ZNF324B: variants seen among roughly 807,000 people sequenced by gnomAD.
ZNF324B encodes zinc finger protein 324B.
In ZNF324B, 7 loss-of-function variants were observed where a neutral mutation model predicts 10.6. The observed-to-expected ratio is 0.66, with a 90% CI of 0.38 to 1.24. The LOEUF (loss-of-function observed/expected upper bound fraction) is 1.24. ZNF324B is among the 50% of genes most tolerant of loss of function. ZNF324B has a pLI of 0.02. For missense variants in ZNF324B, 640 were observed against 764.7 expected, an observed-to-expected ratio of 0.84 and a Z score of 1.92; for synonymous variants, 316 against 321.0, an observed-to-expected ratio of 0.98 and a Z score of 0.17.
chr19:58,440,316 T>A, the ZNF324B span: 171 of 169,706 alleles, frequency 1.0e-3, 1 homozygote, highest in Non-Finnish European at 6.2e-4. Context: ...GTTTATTGCG[T>A]CGCTGCTCAG....
chr19:58,421,521 C>G, the ZNF324B span, among the ~76,000 whole-genome samples: 1 of 151,890 alleles, frequency 6.6e-6, no homozygotes, highest in South Asian at 2.1e-4. Context: ...CTGGGATTAA[C>G]AGGTTCGCCG....
chr19:58,440,068 G>C, the ZNF324B span: 2 of 523,564 alleles, frequency 3.8e-6, no homozygotes, highest in Non-Finnish European at 6.7e-6. Context: ...GCGCGGTGAC[G>C]GTCCCTGCAC....
the ZNF324B span, among the ~76,000 whole-genome samples, chr19:58,427,377 T>TC: frequency 0.024 from 1,106 of 45,594 alleles, 57 homozygotes; most frequent in African/African-American, 0.077. Flanking sequence ...TTTCTTTCTT[T>TC]CTTTCTTTCT....
At chr19:58,432,333 T>C in the ZNF324B span, 1 of 517,484 alleles carries the variant, frequency 1.9e-6, no homozygotes, top group Non-Finnish European at 3.9e-6. Context: ...ACATGGCAAA[T>C]ACAAAGGTCT....
upstream of ZNF324B, among the ~76,000 whole-genome samples, chr19:58,446,927 CCTTTG>C (rs2052830704): frequency 6.6e-6 from 1 of 151,042 alleles, no homozygotes; most frequent in Non-Finnish European, 1.5e-5. Context: ...CCTTTCCTTT[CCTTTG>C]CTTTCCTTTC....
the ZNF324B span, chr19:58,434,068 A>G: frequency 6.2e-7 from 1 of 1,613,416 alleles, no homozygotes; most frequent in African/African-American, 1.3e-5. Flanking sequence ...ACTGCACTCA[A>G]AAGGCCGTTC....
chr19:58,441,543 G>C, the ZNF324B span: 1 of 152,328 alleles, frequency 6.6e-6, no homozygotes, highest in Non-Finnish European at 1.5e-5. Flanking sequence ...GAGAATAGAG[G>C]TTGGCAGTTG....
At chr19:58,430,090 C>T in the ZNF324B span, 1 of 152,218 alleles carries the variant, frequency 6.6e-6, no homozygotes, top group Non-Finnish European at 1.5e-5. Context: ...GATCAGCTTG[C>T]AAGCTTTGAT....
chr19:58,446,115 A>T, the ZNF324B span, among the ~76,000 whole-genome samples: 5 of 152,328 alleles, frequency 3.3e-5, no homozygotes, highest in African/African-American at 1.2e-4. Context: ...AACCTGGGCA[A>T]CAGAGTGAAA....
At chr19:58,440,058 G>A in the ZNF324B span, 1 of 530,954 alleles carries the variant, frequency 1.9e-6, no homozygotes. Flanking sequence ...GCGTGTGAAG[G>A]CGCGGTGACG....
chr19:58,435,423 G>T, the ZNF324B span: 4 of 547,272 alleles, frequency 7.3e-6, no homozygotes, highest in South Asian at 5.1e-5. Context: ...CTCACCAGGG[G>T]TAAGGACACA....
chr19:58,454,978 G>A (rs760019615), intron 3 of ZNF324B: 3 of 748,956 alleles, frequency 4.0e-6, no homozygotes, highest in Non-Finnish European at 7.0e-6. Flanking sequence ...CTTGATCATG[G>A]GAGTCCCCAC....
the ZNF324B span, among the ~76,000 whole-genome samples, chr19:58,421,959 C>A: frequency 1.3e-5 from 2 of 152,124 alleles, no homozygotes; most frequent in South Asian, 4.1e-4. Flanking sequence ...GCTCTGTAAC[C>A]CAGGCTGGAG....
Position 58,455,032 on chromosome 19 carries a change from C to A in ZNF324B, c.239-151C>A. The A allele has an allele frequency of 9.3e-7, 1 of 1,074,192 alleles. No individual in the cohort carries two copies. Among genetic ancestry groups the A allele is most frequent in the Non-Finnish European group, 1.4e-6 (1 of 709,712 alleles). 66.5% of individuals were successfully genotyped at this position (1,074,192 alleles called of 1,614,324 possible). On this transcript the variant is annotated intron_variant, in intron 3 of 3. Transcript: ENST00000336614. The surrounding 1 kb of genome is among the most constrained non-coding windows in gnomAD (Gnocchi z 7.0). ...TGTCAGGGCAGATGCTTCCTCCAAA[C>A]CCCAGCCCCTCCTGCAGAGCCAGCC...
At chr19:58,427,621 C>T in the ZNF324B span, among the ~76,000 whole-genome samples, 6 of 150,946 alleles carry the variant, frequency 4.0e-5, no homozygotes, top group African/African-American at 1.5e-4. Context: ...TCCCAAAGTG[C>T]TGGGATTACA....
At chr19:58,427,385 T>TC in the ZNF324B span, among the ~76,000 whole-genome samples, 152 of 45,528 alleles carry the variant, frequency 3.3e-3, 1 homozygote, top group African/African-American at 0.012. Context: ...TTTCTTTCTT[T>TC]CTTTCTTTCT....
intron 2 of ZNF324B, 56 bp downstream of exon 2, chr19:58,453,878 T>A: frequency 6.3e-7 from 1 of 1,582,200 alleles, no homozygotes; most frequent in Non-Finnish European, 8.6e-7. Flanking sequence ...GGACTGCCTC[T>A]TCACTTCCCT....
Position 58,455,357 on chromosome 19 carries a change from G to A in ZNF324B, c.413G>A (p.Gly138Glu). Residue 138 changes from glycine (G) to glutamate (E), a missense_variant, in exon 4 of 4, where the codon GGG becomes GAG. This residue lies in a region of ZNF324B where 345 missense variants were observed against 387.9 expected (regional missense o/e 0.89). Coordinates refer to ENST00000336614, the MANE Select transcript of ZNF324B (RefSeq NM_207395.3). This position sits in a 1 kb window ranked among gnomAD's most constrained non-coding sequence, Gnocchi z 7.0. ...ASPSQERKPT[G>E]VSVIYWERLL... ...CCATCTCAGGAGAGAAAACCCACGG[G>A]GGTGTCGGTGATCTACTGGGAGAGG... The A allele has an allele frequency of 1.2e-6, 2 of 1,614,202 alleles. No individual in the cohort carries two copies. The highest frequency in any genetic ancestry group is 2.2e-5 in the South Asian group (2 of 91,086).
intron 2 of ZNF324B, 133 bp downstream of exon 2, chr19:58,453,955 C>A: frequency 1.4e-6 from 2 of 1,384,124 alleles, no homozygotes; most frequent in Non-Finnish European, 1.9e-6. Context: ...CCTGTAGACA[C>A]AAAGTTTGGT....
Sources: allele counts gnomAD v4.1 joint callset (sites outside exome capture counted in the v4.1 genomes callset), GRCh38; gene constraint gnomAD v4.1.1; regional missense constraint gnomAD v4.1.1; non-coding constraint Gnocchi (gnomAD v3.1); transcripts MANE v1.5; gene names NCBI Gene and HGNC (gene_info 2026-07-23, HGNC 2026-07-21).